The following SPAG16 variants were observed in gnomAD, a reference collection of about 807,000 sequenced individuals.
The protein encoded by SPAG16 is sperm associated antigen 16, also known as sperm-associated antigen 16 protein.
A neutral mutation model predicts 80.4 loss-of-function variants in SPAG16; 86 were observed. The observed-to-expected ratio is 1.07, with a 90% CI of 0.90 to 1.28. SPAG16 has a LOEUF of 1.28. Among genes scored for constraint, SPAG16 ranks in the 50% most tolerant of loss-of-function variants. The pLI, the probability that SPAG16 is intolerant of heterozygous loss-of-function variation, is 0.00. For synonymous variants in SPAG16, 294 were observed against 265.9 expected (o/e 1.11, Z -1.03); for missense variants, 870 against 765.3 (o/e 1.14, Z -1.61).
intron 12 of SPAG16, among the ~76,000 whole-genome samples, chr2:213,949,240 G>A (rs373429199): frequency 8.5e-6 from 1 of 118,078 alleles, no homozygotes; most frequent in South Asian, 2.8e-4. Context: ...GTGTGATCTC[G>A]GCTCACTGTA....
At chr2:214,212,638 A>C (rs76988074) in intron 15 of SPAG16, among the ~76,000 whole-genome samples, 2,284 of 152,260 alleles carry the variant, frequency 0.015, 59 homozygotes, top group African/African-American at 0.053. Context: ...GGGCAGACTA[A>C]AGCCACCAAG....
intron 7 of SPAG16, among the ~76,000 whole-genome samples, chr2:213,360,802 A>T (rs1277972155): frequency 2.6e-5 from 4 of 152,192 alleles, no homozygotes; most frequent in African/African-American, 9.6e-5. Flanking sequence ...AATAGAAGAT[A>T]GGTTACTTTT....
intron 15 of SPAG16, chr2:214,239,903 A>C (rs946083582): frequency 6.6e-6 from 1 of 152,240 alleles, no homozygotes. Flanking sequence ...TATAAATTTC[A>C]TAAAATTCTC....
intron 11 of SPAG16, among the ~76,000 whole-genome samples, chr2:213,878,327 T>G (rs1173770847): frequency 6.6e-6 from 1 of 152,144 alleles, no homozygotes; most frequent in Non-Finnish European, 1.5e-5. Flanking sequence ...TTCCTTCTTA[T>G]CATTGCCAAT....
At chr2:214,263,649 C>T (rs917355218) in intron 15 of SPAG16, among the ~76,000 whole-genome samples, 2 of 152,136 alleles carry the variant, frequency 1.3e-5, no homozygotes, top group African/African-American at 4.8e-5. Flanking sequence ...ATCTTTCAGG[C>T]TTAACATCAG....
At chr2:213,489,136 T>C (rs2074127299) in intron 9 of SPAG16, among the ~76,000 whole-genome samples, 1 of 151,922 alleles carries the variant, frequency 6.6e-6, no homozygotes, top group Admixed American at 6.6e-5. Context: ...GATAAATAAT[T>C]TTTGAATAAG....
intron 15 of SPAG16, among the ~76,000 whole-genome samples, chr2:214,285,273 G>A (rs985481174): frequency 3.9e-5 from 6 of 152,076 alleles, no homozygotes; most frequent in Non-Finnish European, 7.4e-5. Context: ...TGCCTTCCTT[G>A]GAAAAGTATC....
At chr2:214,258,012 A>G (rs1487807093) in intron 15 of SPAG16, among the ~76,000 whole-genome samples, 1 of 152,060 alleles carries the variant, frequency 6.6e-6, no homozygotes, top group Non-Finnish European at 1.5e-5. Context: ...TTTATTATTC[A>G]TTTCATGTTT....
At chr2:214,096,958 C>A (rs1341197374) in intron 13 of SPAG16, among the ~76,000 whole-genome samples, 2 of 151,670 alleles carry the variant, frequency 1.3e-5, no homozygotes, top group Non-Finnish European at 1.5e-5. Flanking sequence ...ACCTGTAAAC[C>A]CATAAGGTTA....
intron 15 of SPAG16, among the ~76,000 whole-genome samples, chr2:214,175,323 A>G (rs2057040210): frequency 6.8e-6 from 1 of 146,494 alleles, no homozygotes; most frequent in East Asian, 2.0e-4. Flanking sequence ...AAAGAAATAT[A>G]TATATAAAGA....
chr2:213,417,997 C>A (rs1005327205), intron 9 of SPAG16, among the ~76,000 whole-genome samples: 1 of 151,798 alleles, frequency 6.6e-6, no homozygotes, highest in Admixed American at 6.6e-5. Flanking sequence ...CCTCAGCCTT[C>A]CAAGTAGTGG....
chr2:213,986,598 G>T (rs940581815), intron 12 of SPAG16, among the ~76,000 whole-genome samples: 5 of 151,794 alleles, frequency 3.3e-5, no homozygotes, highest in African/African-American at 1.2e-4. Context: ...CAGTTACAAA[G>T]AAACAATTAA....
chr2:213,889,889 A>G (rs2076722634), intron 11 of SPAG16, among the ~76,000 whole-genome samples: 1 of 151,868 alleles, frequency 6.6e-6, no homozygotes, highest in African/African-American at 2.4e-5. Context: ...ACAGCATTGT[A>G]AAGTGTTTTG....
chr2:213,623,789 A>G (rs911930595), intron 10 of SPAG16, among the ~76,000 whole-genome samples: 4 of 152,090 alleles, frequency 2.6e-5, no homozygotes, highest in Non-Finnish European at 5.9e-5. Context: ...ATAATCCAAG[A>G]CATACCAGAG....
At chr2:213,557,856 A>C (rs1258618042) in intron 10 of SPAG16, among the ~76,000 whole-genome samples, 2 of 152,206 alleles carry the variant, frequency 1.3e-5, no homozygotes, top group Admixed American at 1.3e-4. Flanking sequence ...ATTTACATTT[A>C]AAATGCATTC....
intron 8 of SPAG16, among the ~76,000 whole-genome samples, chr2:213,368,883 A>G (rs528943016): frequency 1.1e-4 from 16 of 152,342 alleles, no homozygotes; most frequent in African/African-American, 3.4e-4. Flanking sequence ...TTCAAGGAGA[A>G]CTACAAACCA....
Position 214,228,929 on chromosome 2 carries a change from C to G in SPAG16, c.1720+79663C>G, listed in dbSNP as rs867679939. 8.6e-5 allele frequency among the ~76,000 whole-genome samples: 13 copies of G among 151,890 alleles called. No homozygotes were observed. In the South Asian group the frequency reaches 1.0e-3, roughly 12 times the overall value. ...ATTTGACTTTCACTAACATTTGTCTCCATTAACAAACTCATAATTTTCAGC... is the reference window on the plus strand; with the variant it reads ...ATTTGACTTTCACTAACATTTGTCTGCATTAACAAACTCATAATTTTCAGC... On this transcript the variant is annotated intron_variant, in intron 15 of 15. Coordinates refer to ENST00000331683, the MANE Select transcript of SPAG16 (RefSeq NM_024532.5).
chr2:213,611,995 A>G (rs1255670352), intron 10 of SPAG16, among the ~76,000 whole-genome samples: 1 of 152,200 alleles, frequency 6.6e-6, no homozygotes, highest in African/African-American at 2.4e-5. Flanking sequence ...TTATAATAAT[A>G]ATGACATTAG....
intron 10 of SPAG16, among the ~76,000 whole-genome samples, chr2:213,698,894 C>T (rs2065274446): frequency 6.6e-6 from 1 of 152,172 alleles, no homozygotes; most frequent in African/African-American, 2.4e-5. Flanking sequence ...AGTATAAACC[C>T]ACTAAACTGT....
Sources: gnomAD v4.1 joint callset for allele counts (sites outside exome capture counted in the v4.1 genomes callset) on GRCh38, gnomAD v4.1.1 for gene constraint, MANE v1.5 for transcripts, NCBI Gene and HGNC (gene_info 2026-07-23, HGNC 2026-07-21) for gene names.